Variants in PHLDB2 observed in about 807,000 individuals in gnomAD.
The protein encoded by PHLDB2 is pleckstrin homology-like domain family B member 2.
A neutral mutation model predicts 123.6 loss-of-function variants in PHLDB2; 71 were observed. That is an observed-to-expected ratio of 0.57 (90% CI 0.47 to 0.70). PHLDB2 has a LOEUF of 0.70. Ranked by LOEUF, PHLDB2 falls within the 30% of genes least tolerant of loss-of-function variation. The pLI is 0.00. For synonymous variants in PHLDB2, 547 were observed against 541.6 expected (o/e 1.01, Z -0.14); for missense variants, 1,446 against 1,519.5 (o/e 0.95, Z 0.80).
At chr3:111,963,820 T>G (rs1459166458) in intron 13 of PHLDB2, among the ~76,000 whole-genome samples, 1 of 152,230 alleles carries the variant, frequency 6.6e-6, no homozygotes, top group African/African-American at 2.4e-5. Context: ...TTTTTTACTC[T>G]TCTTTCTACC....
chr3:111,818,914 C>T (rs1187866575), intron 1 of PHLDB2, among the ~76,000 whole-genome samples: 12 of 151,986 alleles, frequency 7.9e-5, no homozygotes, highest in East Asian at 3.9e-4. Flanking sequence ...ATTTCATGTC[C>T]ACCTGTCCTA....
intron 3 of PHLDB2, 99 bp downstream of exon 3, chr3:111,913,801 A>T: frequency 7.2e-7 from 1 of 1,390,906 alleles, no homozygotes; most frequent in Non-Finnish European, 9.7e-7. Context: ...ATTATCCAGG[A>T]TGTTTTCAGT....
At chr3:111,934,446 T>G (rs145577910) in intron 6 of PHLDB2, among the ~76,000 whole-genome samples, 1 of 152,170 alleles carries the variant, frequency 6.6e-6, no homozygotes, top group Non-Finnish European at 1.5e-5. Context: ...TAAAGTTTGT[T>G]TTATTATAAA....
At chr3:111,915,202 G>T (rs2068100495) in intron 3 of PHLDB2, 1 of 152,116 alleles carries the variant, frequency 6.6e-6, no homozygotes, top group African/African-American at 2.4e-5. Context: ...ATAAGAGAAG[G>T]ACACATTGAC....
At chr3:111,973,628 TTAAA>T (rs1399571632) in intron 16 of PHLDB2, 100 bp from the exon 17 acceptor site, 8 of 634,556 alleles carry the variant, frequency 1.3e-5, no homozygotes, top group Non-Finnish European at 1.3e-5. Context: ...CTTAGATAAA[TTAAA>T]TACTTTGTAA....
intron 1 of PHLDB2, among the ~76,000 whole-genome samples, chr3:111,801,553 G>A (rs1329668577): frequency 8.5e-5 from 13 of 152,134 alleles, no homozygotes; most frequent in Admixed American, 7.9e-4. Context: ...CAAGAGCCTA[G>A]GACAAGGCTG....
intron 1 of PHLDB2, among the ~76,000 whole-genome samples, chr3:111,801,503 C>A (rs890293689): frequency 5.3e-5 from 8 of 152,072 alleles, no homozygotes; most frequent in Non-Finnish European, 1.0e-4. Flanking sequence ...TAAATTTGTG[C>A]CTTTATTCAT....
chr3:111,900,338 C>T (rs112935262), intron 2 of PHLDB2, among the ~76,000 whole-genome samples: 116 of 152,308 alleles, frequency 7.6e-4, no homozygotes, highest in African/African-American at 2.7e-3. Flanking sequence ...TCATTTTTGG[C>T]ATGCCTTTCT....
At chr3:111,787,229 A>G (rs1559830956) in intron 1 of PHLDB2, among the ~76,000 whole-genome samples, 1 of 152,206 alleles carries the variant, frequency 6.6e-6, no homozygotes, top group African/African-American at 2.4e-5. Context: ...ACTCTAGCTT[A>G]TAATTTCTAT....
At chr3:111,871,309 C>T (rs2065326237) in intron 1 of PHLDB2, among the ~76,000 whole-genome samples, 1 of 152,206 alleles carries the variant, frequency 6.6e-6, no homozygotes, top group African/African-American at 2.4e-5. Context: ...TAACACAACA[C>T]AGCACAATAC....
chr3:111,937,072 G>A (rs1198085070), intron 6 of PHLDB2, among the ~76,000 whole-genome samples: 17 of 152,180 alleles, frequency 1.1e-4, no homozygotes, highest in Non-Finnish European at 8.8e-5. Flanking sequence ...CAAATAAAAT[G>A]TAAAGAAGTG....
intron 1 of PHLDB2, among the ~76,000 whole-genome samples, chr3:111,812,640 G>A (rs1187694523): frequency 6.6e-6 from 1 of 152,116 alleles, no homozygotes; most frequent in Non-Finnish European, 1.5e-5. Flanking sequence ...TCCCTTTGCT[G>A]CCTGGTTTTA....
intron 1 of PHLDB2, among the ~76,000 whole-genome samples, chr3:111,827,065 CA>C (rs2062688110): frequency 6.6e-6 from 1 of 152,130 alleles, no homozygotes; most frequent in African/African-American, 2.4e-5. Context: ...GAAAAACAAA[CA>C]AAAAACAGAG....
intron 1 of PHLDB2, among the ~76,000 whole-genome samples, chr3:111,832,440 A>G (rs1440996090): frequency 1.3e-5 from 2 of 151,434 alleles, no homozygotes; most frequent in African/African-American, 4.8e-5. Flanking sequence ...AAATCTTGTA[A>G]GACCACTCCA....
At position 111,913,522 on chromosome 3, in the gene PHLDB2, C is replaced by G; in HGVS notation, c.1539C>G (p.Ser513=). The G allele has an allele frequency of 1.2e-6, 2 of 1,614,094 alleles. No individual in the cohort carries two copies. The highest frequency in any genetic ancestry group is 1.7e-6 in the Non-Finnish European group (2 of 1,179,988). ...DTRYRCHRKD[S]LPDADLASCG... Reference sequence around the variant, plus strand: ...GATACAGGTGCCACCGGAAAGACTCCCTCCCTGATGCAGACTTGGCAAGCT... The same window carrying G: ...GATACAGGTGCCACCGGAAAGACTCGCTCCCTGATGCAGACTTGGCAAGCT... The change falls in exon 3 of 18, where the codon TCC becomes TCG. Residue 513 remains serine, a synonymous_variant. Transcript: ENST00000431670.
At chr3:111,776,498 T>C (rs771623575) in intron 1 of PHLDB2, among the ~76,000 whole-genome samples, 1 of 152,130 alleles carries the variant, frequency 6.6e-6, no homozygotes, top group African/African-American at 2.4e-5. Flanking sequence ...TCCAGACTAA[T>C]ACAGTTGGAA....
chr3:111,756,230 A>T (rs1285149317), intron 1 of PHLDB2, among the ~76,000 whole-genome samples: 1 of 151,660 alleles, frequency 6.6e-6, no homozygotes, highest in African/African-American at 2.4e-5. Flanking sequence ...TGTCTCGTTG[A>T]TCTGTCTAAT....
chr3:111,758,820 T>C (rs780606740), intron 1 of PHLDB2, among the ~76,000 whole-genome samples: 9 of 152,184 alleles, frequency 5.9e-5, no homozygotes, highest in Non-Finnish European at 7.3e-5. Flanking sequence ...GCTTGACATG[T>C]TTCATAGGAT....
At chr3:111,821,880 A>G (rs2062401145) in intron 1 of PHLDB2, among the ~76,000 whole-genome samples, 1 of 152,228 alleles carries the variant, frequency 6.6e-6, no homozygotes, top group Non-Finnish European at 1.5e-5. Context: ...GGAAAATACC[A>G]GTAACCTAGG....
Sources: gnomAD v4.1 joint callset for allele counts (sites outside exome capture counted in the v4.1 genomes callset) on GRCh38, gnomAD v4.1.1 for gene constraint, MANE v1.5 for transcripts, NCBI Gene and HGNC (gene_info 2026-07-23, HGNC 2026-07-21) for gene names.